The following NUAK1 variants were observed in gnomAD, a reference collection of about 807,000 sequenced individuals.
NUAK1 encodes the protein NUAK family kinase 1.
NUAK1 carries 26 observed loss-of-function variants against 56.9 expected under a neutral mutation model. The ratio of observed to expected loss-of-function variants is 0.46; its 90% CI spans 0.33 to 0.63. The LOEUF (loss-of-function observed/expected upper bound fraction) is 0.63, where lower values mean the gene tolerates loss of function less well. NUAK1 is among the 30% of genes least tolerant of loss of function. NUAK1 has a pLI of 0.02. For missense variants in NUAK1, 727 were observed against 876.1 expected (o/e 0.83, Z 2.15); for synonymous variants, 337 against 336.0 (o/e 1.00, Z -0.03).
intron 2 of NUAK1, among the ~76,000 whole-genome samples, chr12:106,097,475 A>G (rs2032706570): frequency 6.6e-6 from 1 of 152,226 alleles, no homozygotes; most frequent in African/African-American, 2.4e-5. Context: ...GGATAATGTT[A>G]AGGATCATTG....
rs148549196 is a variant in NUAK1, at chr12:106,102,227, C to T, written c.361+4178G>A. On this transcript the variant is annotated intron_variant, in intron 2 of 6. Transcript: ENST00000261402. ...AAAACACTTGGAGGCACTGGATTCT[C>T]GTTAACCTACTTGAGGTCAGGAATG... Among the ~76,000 whole-genome samples, 802 of 152,330 alleles carry T rather than the reference C, an allele frequency of 5.3e-3. 9 individuals are homozygous for T. The highest frequency in any genetic ancestry group is 0.018 in the African/African-American group (754 of 41,572).
In NUAK1 at chr12:106,114,715, A is replaced by T. The variant is rs546002012; in HGVS notation, c.241-8190T>A. On this transcript the variant is annotated intron_variant, in intron 1 of 6. Transcript: ENST00000261402. Reference sequence around the variant, plus strand: ...CACTCCAGGAGGGATAAACACTCTGAGCAAGGGGTCCTTCCTAATCAAATA... The same window carrying T: ...CACTCCAGGAGGGATAAACACTCTGTGCAAGGGGTCCTTCCTAATCAAATA... Among the ~76,000 whole-genome samples the T allele has an allele frequency of 4.6e-5, 7 of 152,348 alleles. No homozygotes were observed. The East Asian group carries it at 1.2e-3, about 25-fold the overall frequency.
At chr12:106,098,138 G>A (rs1344510841) in intron 2 of NUAK1, among the ~76,000 whole-genome samples, 4 of 152,094 alleles carry the variant, frequency 2.6e-5, no homozygotes, top group South Asian at 4.1e-4. Flanking sequence ...AGTGATTTTC[G>A]CCAAGAGTGG....
chr12:106,072,672 C>T, intron 5 of NUAK1, 52 bp downstream of exon 5: 1 of 1,557,818 alleles, frequency 6.4e-7, no homozygotes, highest in Middle Eastern at 1.7e-4. Context: ...TGCCCTTCCT[C>T]CCTCTTCTCC....
chr12:106,065,255 G>C lies in NUAK1; in HGVS notation c.*1547C>G, dbSNP rs1170791626. The C allele has an allele frequency of 6.6e-6, 1 of 152,128 alleles. No individual in the cohort carries two copies. The highest frequency in any genetic ancestry group is 2.4e-5 in the African/African-American group (1 of 41,416). The allele number at this position is 152,128 out of a possible 1,614,324, so 9.4% of individuals were successfully genotyped here. A position where few individuals can be genotyped will look rare whatever the true frequency, so the allele number is the denominator to read the frequency against. On this transcript the variant is annotated 3_prime_UTR_variant, in exon 7 of 7. Transcript: ENST00000261402. ...TGTCCCATGGTTGGAGTGGCATCTT[G>C]TCATTGTGATCTGGGTGTTTAGAAA...
intron 6 of NUAK1, among the ~76,000 whole-genome samples, chr12:106,070,280 T>C (rs2032392339): frequency 6.6e-6 from 1 of 152,124 alleles, no homozygotes; most frequent in Admixed American, 6.5e-5. Context: ...TGTAAGCCAC[T>C]GAGTTTGTTT....
In NUAK1 at chr12:106,104,931, C is replaced by T. The variant is rs376084029; in HGVS notation, c.361+1474G>A. Among the ~76,000 whole-genome samples the T allele has an allele frequency of 1.0e-3, 158 of 151,536 alleles. 4 individuals are homozygous for T. The South Asian group carries it at 0.032, about 30-fold the overall frequency. On this transcript the variant is annotated intron_variant, in intron 2 of 6. Transcript: ENST00000261402. ...ACCTGATAACTTCTTATAATCTGAC[C>T]ACGAATTAAAAATAAGTTCATTTTT...
intron 5 of NUAK1, 102 bp from the exon 6 acceptor site, chr12:106,071,008 C>T (rs2032401833): frequency 3.8e-5 from 46 of 1,224,686 alleles, no homozygotes; most frequent in Middle Eastern, 4.0e-4. Context: ...CCCCCAGCAG[C>T]CCCAGGAACT....
chr12:106,125,014 A>ATAAG (rs2033012475), intron 1 of NUAK1, among the ~76,000 whole-genome samples: 1 of 151,874 alleles, frequency 6.6e-6, no homozygotes, highest in African/African-American at 2.4e-5. Flanking sequence ...AAATAAATAA[A>ATAAG]TAAATAAATA....
intron 1 of NUAK1, among the ~76,000 whole-genome samples, chr12:106,112,281 G>T (rs955871599): frequency 6.6e-6 from 1 of 152,074 alleles, no homozygotes; most frequent in East Asian, 1.9e-4. Context: ...TGCAGGGCAC[G>T]AAGTCAGAGG....
intron 1 of NUAK1, among the ~76,000 whole-genome samples, chr12:106,118,009 T>C (rs1177070586): frequency 6.6e-6 from 1 of 152,220 alleles, no homozygotes; most frequent in African/African-American, 2.4e-5. Flanking sequence ...GTATAAGAAT[T>C]ATTCCTTTCT....
At chr12:106,108,170 T>TG (rs2032822401) in intron 1 of NUAK1, among the ~76,000 whole-genome samples, 1 of 151,074 alleles carries the variant, frequency 6.6e-6, no homozygotes, top group African/African-American at 2.4e-5. Context: ...GTAGCAGAAC[T>TG]GGGGAAAAAA....
intron 1 of NUAK1, among the ~76,000 whole-genome samples, chr12:106,119,847 A>G (rs2032955680): frequency 6.6e-6 from 1 of 152,172 alleles, no homozygotes; most frequent in African/African-American, 2.4e-5. Context: ...ATCAAGAAAA[A>G]GTTTTCACTA....
In NUAK1 at chr12:106,086,870, T is replaced by C. The variant is rs1214778517; in HGVS notation, c.377A>G (p.Asp126Gly). 3 of 1,613,570 alleles carry C rather than the reference T, an allele frequency of 1.9e-6. No individual in the cohort carries two copies. Among genetic ancestry groups the C allele is most frequent in the Non-Finnish European group, 2.5e-6 (3 of 1,179,632 alleles). The change falls in exon 3 of 7, where the codon GAT becomes GGT. Residue 126 changes from aspartate (D) to glycine (G), a missense_variant. Transcript: ENST00000261402. ...ATATTCCATGATGATCACAATCTTA[T>C]CTTTGTTCTCAAACACTGCAGAGGG... ...ISIYEVFENKDKIVIIMEYAS... is the reference protein window; with the variant it reads ...ISIYEVFENKGKIVIIMEYAS...
At chr12:106,115,366 A>G (rs1209092537) in intron 1 of NUAK1, among the ~76,000 whole-genome samples, 2 of 152,246 alleles carry the variant, frequency 1.3e-5, no homozygotes, top group African/African-American at 2.4e-5. Flanking sequence ...AAGATTCTGC[A>G]GAAGTTATTT....
At chr12:106,123,169 C>CA (rs2032994814) in intron 1 of NUAK1, among the ~76,000 whole-genome samples, 1 of 152,242 alleles carries the variant, frequency 6.6e-6, no homozygotes, top group Admixed American at 6.5e-5. Context: ...ACCGGAGATA[C>CA]AAAAAATGTG....
At chr12:106,121,733 G>A (rs1016426991) in intron 1 of NUAK1, among the ~76,000 whole-genome samples, 1 of 151,928 alleles carries the variant, frequency 6.6e-6, no homozygotes, top group East Asian at 1.9e-4. Flanking sequence ...CTGGGGTACA[G>A]AGCGAGACCC....
At chr12:106,135,764 T>G (rs749158812) in intron 1 of NUAK1, among the ~76,000 whole-genome samples, 10 of 152,224 alleles carry the variant, frequency 6.6e-5, no homozygotes, top group Non-Finnish European at 5.9e-5. Context: ...TCTCCTCAAC[T>G]GCACCTTCAA....
chr12:106,111,069 G>A (rs139065191), intron 1 of NUAK1, among the ~76,000 whole-genome samples: 152 of 152,194 alleles, frequency 1.0e-3, no homozygotes, highest in Non-Finnish European at 1.4e-3. Flanking sequence ...GACTGTCACC[G>A]GCTGGGTGAC....
Sources: allele counts gnomAD v4.1 joint callset (sites outside exome capture counted in the v4.1 genomes callset), GRCh38; gene constraint gnomAD v4.1.1; transcripts MANE v1.5; gene names NCBI Gene and HGNC (gene_info 2026-07-23, HGNC 2026-07-21).